The following NRXN3 variants were observed in gnomAD, a reference collection of about 807,000 sequenced individuals.
The protein encoded by NRXN3 is neurexin III.
Under a neutral mutation model 137.6 loss-of-function variants are expected in NRXN3, and 32 were observed. The ratio of observed to expected loss-of-function variants is 0.23; its 90% CI spans 0.18 to 0.31. The LOEUF is 0.31. Ranked by LOEUF, NRXN3 falls within the 10% of genes least tolerant of loss-of-function variation. The probability of loss-of-function intolerance (pLI) is 1.00; values close to 1 mark genes in which losing one functional copy is unlikely to be tolerated. For synonymous variants in NRXN3, 798 were observed against 784.5 expected, an observed-to-expected ratio of 1.02 and a Z score of -0.29; for missense variants, 1,574 against 2,062.5, an observed-to-expected ratio of 0.76 and a Z score of 4.59.
At chr14:79,260,382 C>T (rs1439051001) in intron 15 of NRXN3, among the ~76,000 whole-genome samples, 1 of 152,072 alleles carries the variant, frequency 6.6e-6, no homozygotes, top group Non-Finnish European at 1.5e-5. Flanking sequence ...CTTAATAAAA[C>T]ATGATTAATC....
intron 4 of NRXN3, among the ~76,000 whole-genome samples, chr14:78,471,806 A>T (rs541479151): frequency 6.6e-6 from 1 of 152,210 alleles, no homozygotes; most frequent in Non-Finnish European, 1.5e-5. Flanking sequence ...AGGGTGAAAC[A>T]ATGCAAAGGG....
chr14:78,916,754 T>A (rs2152807083), intron 10 of NRXN3, among the ~76,000 whole-genome samples: 1 of 152,324 alleles, frequency 6.6e-6, no homozygotes, highest in South Asian at 2.1e-4. Context: ...TACCCTGGAC[T>A]GGGTGACTTA....
chr14:78,931,159 A>T (rs2099320646), intron 10 of NRXN3, among the ~76,000 whole-genome samples: 1 of 152,086 alleles, frequency 6.6e-6, no homozygotes. Flanking sequence ...AATATCCTTC[A>T]CTAGAAGGCA....
chr14:78,446,875 G>A (rs112849526), intron 4 of NRXN3, among the ~76,000 whole-genome samples: 1,792 of 152,278 alleles, frequency 0.012, 22 homozygotes, highest in African/African-American at 0.041. Flanking sequence ...AGGTGTCTAA[G>A]TGATTTTTAT....
chr14:79,636,593 AT>A (rs1420863535), intron 16 of NRXN3, among the ~76,000 whole-genome samples: 1 of 152,100 alleles, frequency 6.6e-6, no homozygotes, highest in Non-Finnish European at 1.5e-5. Flanking sequence ...CTCTCAGATT[AT>A]TTTTTTATTA....
intron 20 of NRXN3, among the ~76,000 whole-genome samples, chr14:79,837,009 G>A (rs1428712702): frequency 6.6e-6 from 1 of 152,072 alleles, no homozygotes; most frequent in African/African-American, 2.4e-5. Context: ...AATACTGTTA[G>A]TATCCTACAT....
At chr14:78,493,050 C>G (rs73320481) in intron 4 of NRXN3, among the ~76,000 whole-genome samples, 1 of 152,072 alleles carries the variant, frequency 6.6e-6, no homozygotes, top group Admixed American at 6.6e-5. Flanking sequence ...GTACCCTTTC[C>G]GATAATGCTT....
At chr14:79,824,270 T>C (rs1436876049) in intron 20 of NRXN3, among the ~76,000 whole-genome samples, 1 of 152,218 alleles carries the variant, frequency 6.6e-6, no homozygotes, top group African/African-American at 2.4e-5. Context: ...TAATTGAGAC[T>C]CTCTTCCATG....
chr14:79,267,252 T>A (rs1210337057), intron 15 of NRXN3, among the ~76,000 whole-genome samples: 2 of 152,148 alleles, frequency 1.3e-5, no homozygotes, highest in Non-Finnish European at 2.9e-5. Context: ...AATATTCTCT[T>A]ATATACAGGT....
At chr14:79,210,667 A>G (rs973362333) in intron 15 of NRXN3, among the ~76,000 whole-genome samples, 1 of 152,166 alleles carries the variant, frequency 6.6e-6, no homozygotes, top group Admixed American at 6.5e-5. Flanking sequence ...TTTCATATAG[A>G]ATTCCTTGGT....
chr14:79,496,708 G>A (rs1177306757), intron 16 of NRXN3, among the ~76,000 whole-genome samples: 1 of 152,144 alleles, frequency 6.6e-6, no homozygotes, highest in Non-Finnish European at 1.5e-5. Flanking sequence ...GTAAAACTGT[G>A]ATAGTAAGTT....
At chr14:79,649,876 C>A (rs543052407) in intron 16 of NRXN3, among the ~76,000 whole-genome samples, 72 of 152,266 alleles carry the variant, frequency 4.7e-4, no homozygotes, top group Middle Eastern at 6.8e-3. Flanking sequence ...GACTTAAAAA[C>A]AACAAATATT....
intron 10 of NRXN3, among the ~76,000 whole-genome samples, chr14:78,848,271 T>A (rs1480310697): frequency 6.6e-6 from 1 of 152,108 alleles, no homozygotes; most frequent in African/African-American, 2.4e-5. Flanking sequence ...GATCTTCTTC[T>A]CTTATATAGA....
intron 19 of NRXN3, among the ~76,000 whole-genome samples, chr14:79,769,004 A>G (rs913813029): frequency 1.3e-5 from 2 of 152,020 alleles, no homozygotes; most frequent in African/African-American, 4.8e-5. Flanking sequence ...GATGCGATCA[A>G]CTGGAAGAAA....
intron 10 of NRXN3, 43 bp downstream of exon 10, chr14:78,810,387 A>G: frequency 8.9e-7 from 1 of 1,123,846 alleles, no homozygotes; most frequent in Non-Finnish European, 1.2e-6. Flanking sequence ...TAAAAAAAAA[A>G]AACAAAACTG....
intron 4 of NRXN3, among the ~76,000 whole-genome samples, chr14:78,304,197 C>T (rs766623260): frequency 1.8e-4 from 28 of 152,170 alleles, no homozygotes; most frequent in Non-Finnish European, 2.8e-4. Context: ...CTTCCCTCCT[C>T]ACTAAGGCCT....
chr14:78,372,685 C>CAAA (rs2087084154), intron 4 of NRXN3, among the ~76,000 whole-genome samples: 1 of 152,130 alleles, frequency 6.6e-6, no homozygotes, highest in African/African-American at 2.4e-5. Flanking sequence ...CCATCACTTG[C>CAAA]AACATATTGG....
intron 10 of NRXN3, among the ~76,000 whole-genome samples, chr14:78,876,368 A>G (rs886953978): frequency 3.3e-5 from 5 of 152,200 alleles, no homozygotes; most frequent in Non-Finnish European, 5.9e-5. Context: ...GCATAAAAGA[A>G]AAAAAGCAGA....
chr14:79,336,280 G>A (rs549997262), intron 15 of NRXN3, among the ~76,000 whole-genome samples: 35 of 152,182 alleles, frequency 2.3e-4, no homozygotes, highest in African/African-American at 8.2e-4. Flanking sequence ...ATTGGGTCAT[G>A]TGCTTACCCC....
Sources: gnomAD v4.1 joint callset for allele counts (sites outside exome capture counted in the v4.1 genomes callset) on GRCh38, gnomAD v4.1.1 for gene constraint, MANE v1.5 for transcripts, NCBI Gene and HGNC (gene_info 2026-07-23, HGNC 2026-07-21) for gene names.